Variants in PKHD1 observed in about 807,000 individuals in gnomAD.
PKHD1 encodes the protein fibrocystin.
PKHD1 carries 291 observed loss-of-function variants against 412.0 expected under a neutral mutation model. That is an observed-to-expected ratio of 0.71 (90% CI 0.64 to 0.78). The LOEUF (loss-of-function observed/expected upper bound fraction) is 0.78, where lower values mean the gene tolerates loss of function less well. Among genes scored for constraint, PKHD1 ranks in the 30% least tolerant of loss-of-function variants. The probability of loss-of-function intolerance (pLI) is 0.00; values close to 1 mark genes in which losing one functional copy is unlikely to be tolerated. For synonymous variants in PKHD1, 1,777 were observed against 1,821.5 expected, an observed-to-expected ratio of 0.98 and a Z score of 0.62; for missense variants, 4,825 against 4,950.7, an observed-to-expected ratio of 0.97 and a Z score of 0.76.
At chr6:52,039,490 T>C (rs1483793972) in intron 27 of PKHD1, among the ~76,000 whole-genome samples, 1 of 152,222 alleles carries the variant, frequency 6.6e-6, no homozygotes, top group East Asian at 1.9e-4. Context: ...CCTTCTGCCA[T>C]GACTGTAAGT....
Position 52,026,027 on chromosome 6 carries a change from GC to G in PKHD1, c.3782del (p.Gly1261AlafsTer42). On this transcript the variant is annotated frameshift_variant, in exon 32 of 67. Transcript: ENST00000371117. LOFTEE classifies it high-confidence loss of function. ...CCACGGCAGCTGGAACAGTGGGAGC[GC>G]CCGCATCGGGTATCTGGGGGGCTGG... ...TLPAPQIPDA[G>X]APTVPAAVEV... 1 of 1,614,038 alleles carries G rather than the reference GC, an allele frequency of 6.2e-7. No individual in the cohort carries two copies. Among genetic ancestry groups the G allele is most frequent in the Non-Finnish European group, 8.5e-7 (1 of 1,180,012 alleles).
chr6:51,954,009 C>A (rs1790754916), intron 36 of PKHD1, among the ~76,000 whole-genome samples: 1 of 152,050 alleles, frequency 6.6e-6, no homozygotes, highest in Non-Finnish European at 1.5e-5. Flanking sequence ...GTCTTTATTA[C>A]CCAGCTAATT....
intron 48 of PKHD1, among the ~76,000 whole-genome samples, chr6:51,863,990 C>G (rs1384246751): frequency 1.3e-5 from 2 of 152,108 alleles, no homozygotes; most frequent in Non-Finnish European, 2.9e-5. Flanking sequence ...ATTTAGAAAG[C>G]TATGCAGGTG....
intron 60 of PKHD1, among the ~76,000 whole-genome samples, chr6:51,728,045 TG>T (rs1782793231): frequency 6.6e-6 from 1 of 152,186 alleles, no homozygotes; most frequent in Admixed American, 6.5e-5. Flanking sequence ...AATACTCCCA[TG>T]CCTTATGCAC....
At chr6:51,656,296 A>G (rs918916630) in intron 61 of PKHD1, among the ~76,000 whole-genome samples, 1 of 152,188 alleles carries the variant, frequency 6.6e-6, no homozygotes, top group African/African-American at 2.4e-5. Context: ...AATAATGACA[A>G]TACATGGACA....
At chr6:51,654,710 A>T (rs1286077219) in intron 61 of PKHD1, among the ~76,000 whole-genome samples, 1 of 152,098 alleles carries the variant, frequency 6.6e-6, no homozygotes, top group Non-Finnish European at 1.5e-5. Flanking sequence ...AAAAATACAA[A>T]CCGCAGGACA....
chr6:51,705,212 C>G (rs1357590426), intron 60 of PKHD1, among the ~76,000 whole-genome samples: 18 of 151,982 alleles, frequency 1.2e-4, no homozygotes, highest in Non-Finnish European at 5.9e-5. Flanking sequence ...GGAGAGTGCA[C>G]TGCCTTGAAA....
At chr6:51,937,796 C>A (rs1787757236) in intron 36 of PKHD1, among the ~76,000 whole-genome samples, 1 of 152,062 alleles carries the variant, frequency 6.6e-6, no homozygotes, top group South Asian at 2.1e-4. Context: ...CTTATAGATC[C>A]CTGGTCTGGA....
At chr6:51,903,806 C>G (rs967286450) in intron 42 of PKHD1, 79 bp from the exon 43 acceptor site, 1 of 986,904 alleles carries the variant, frequency 1.0e-6, no homozygotes, top group African/African-American at 1.7e-5. Context: ...TCTACTAATA[C>G]ACATCAGAGT....
chr6:51,668,221 T>C lies in PKHD1; in HGVS notation c.10157-8252A>G, dbSNP rs559609918. On this transcript the variant is annotated intron_variant, in intron 60 of 66. Coordinates refer to ENST00000371117, the MANE Select transcript of PKHD1 (RefSeq NM_138694.4). The stretch of plus-strand genomic sequence containing the variant: ...TTTGTTTGTATCCTCTTTTATTTCA[T>C]TGAGCAGTGGTTTGTAGTTCTCCTT... Among the ~76,000 whole-genome samples, 513 of 152,200 alleles carry C rather than the reference T, an allele frequency of 3.4e-3. 4 individuals carry two copies. Among genetic ancestry groups the C allele is most frequent in the African/African-American group, 0.012 (494 of 41,510 alleles).
chr6:51,630,933 C>A (rs1479985067), intron 65 of PKHD1, among the ~76,000 whole-genome samples: 1 of 151,792 alleles, frequency 6.6e-6, no homozygotes, highest in Admixed American at 6.6e-5. Context: ...GGTAATGTGT[C>A]CACAGATATT....
At chr6:51,751,337 G>C (rs979988826) in intron 57 of PKHD1, among the ~76,000 whole-genome samples, 2 of 152,094 alleles carry the variant, frequency 1.3e-5, no homozygotes, top group Non-Finnish European at 2.9e-5. Flanking sequence ...CTATGTTATA[G>C]AAAAATGTAA....
chr6:51,916,500 G>A (rs534167586), intron 37 of PKHD1, among the ~76,000 whole-genome samples: 2 of 152,238 alleles, frequency 1.3e-5, no homozygotes, highest in South Asian at 4.1e-4. Context: ...TAGTTCTTCT[G>A]AATCTAAGAC....
At chr6:51,727,309 G>A (rs911992019) in intron 60 of PKHD1, among the ~76,000 whole-genome samples, 2 of 152,088 alleles carry the variant, frequency 1.3e-5, no homozygotes, top group South Asian at 2.1e-4. Context: ...GTGTGGGTCC[G>A]CAGCAACCTC....
At chr6:51,960,977 T>C (rs1791943838) in intron 35 of PKHD1, among the ~76,000 whole-genome samples, 1 of 152,138 alleles carries the variant, frequency 6.6e-6, no homozygotes, top group African/African-American at 2.4e-5. Flanking sequence ...ACGATAAACA[T>C]AATAAAATCA....
chr6:52,080,523 T>C lies in PKHD1; in HGVS notation c.282-515A>G, dbSNP rs569570619. ...TTGCAGTGGCTTCATTGCCACCTGA[T>C]GCTGACATCCATGTTGATTTTTGTA... is the stretch of plus-strand genomic sequence containing the variant. On this transcript the variant is annotated intron_variant, in intron 4 of 66. Transcript: ENST00000371117. Among the ~76,000 whole-genome samples the C allele has an allele frequency of 9.2e-5, 14 of 152,342 alleles. No homozygotes were observed. The South Asian group carries it at 2.9e-3, about 32-fold the overall frequency.
At chr6:52,058,232 C>T (rs143549664) in intron 16 of PKHD1, 91 bp downstream of exon 16, 1 of 1,229,372 alleles carries the variant, frequency 8.1e-7, no homozygotes, top group Admixed American at 1.7e-5. Context: ...AATGACCCCT[C>T]AGGTCGCCAG....
At position 52,033,111 on chromosome 6, in the gene PKHD1, C is replaced by G; in HGVS notation, c.3283G>C (p.Val1095Leu). 2 of 1,610,864 alleles carry G rather than the reference C, an allele frequency of 1.2e-6. No homozygotes were observed. The highest frequency in any genetic ancestry group is 1.7e-6 in the Non-Finnish European group (2 of 1,177,074). Reference sequence around the variant, plus strand: ...ACATATGTAAATGCTCTGGGAAGAACTGCAGAATAGTCCCCTCTGATCACA... The same window carrying G: ...ACATATGTAAATGCTCTGGGAAGAAGTGCAGAATAGTCCCCTCTGATCACA... The part of the protein sequence containing the change: ...VTVIRGDYSA[V>L]LPRAFTYVSS... Residue 1095 changes from valine to leucine, a missense_variant, in exon 29 of 67, where the codon GTT (valine) becomes CTT (leucine). Val to Leu is a conservative substitution (Grantham distance 32). Transcript: ENST00000371117.
chr6:51,937,065 C>CT, intron 36 of PKHD1, among the ~76,000 whole-genome samples: 1 of 152,174 alleles, frequency 6.6e-6, no homozygotes, highest in Non-Finnish European at 1.5e-5. Flanking sequence ...AGCCTGCTAC[C>CT]TGGAGGCTTC....
Sources: allele counts gnomAD v4.1 joint callset (sites outside exome capture counted in the v4.1 genomes callset), GRCh38; gene constraint gnomAD v4.1.1; transcripts MANE v1.5; gene names NCBI Gene and HGNC (gene_info 2026-07-23, HGNC 2026-07-21).